GBE1: variants seen among roughly 807,000 people sequenced by gnomAD.
The protein encoded by GBE1 is 1,4-alpha-glucan-branching enzyme.
Under a neutral mutation model 88.8 loss-of-function variants are expected in GBE1, and 70 were observed. The ratio of observed to expected loss-of-function variants is 0.79; its 90% CI spans 0.65 to 0.96. The LOEUF is 0.96. GBE1 is among the 40% of genes least tolerant of loss of function. The pLI is 0.00. For missense variants in GBE1, 872 were observed against 871.0 expected (o/e 1.00, Z -0.01); for synonymous variants, 284 against 300.1 (o/e 0.95, Z 0.56).
At chr3:81,608,126 T>C (rs1427812790) in intron 7 of GBE1, among the ~76,000 whole-genome samples, 1 of 152,206 alleles carries the variant, frequency 6.6e-6, no homozygotes, top group Non-Finnish European at 1.5e-5. Context: ...TTTGTCAGCA[T>C]GTCACTATTC....
chr3:81,720,593 C>T (rs1706014166), intron 1 of GBE1, among the ~76,000 whole-genome samples: 1 of 152,004 alleles, frequency 6.6e-6, no homozygotes, highest in Non-Finnish European at 1.5e-5. Flanking sequence ...TGTTACTGAG[C>T]AACTCTACTC....
At chr3:81,577,085 C>T (rs369833815) in intron 12 of GBE1, among the ~76,000 whole-genome samples, 45 of 151,880 alleles carry the variant, frequency 3.0e-4, no homozygotes, top group African/African-American at 9.4e-4. Flanking sequence ...GGTACAGGCA[C>T]GCACCACCAC....
intron 7 of GBE1, among the ~76,000 whole-genome samples, chr3:81,602,388 T>A (rs1444244339): frequency 3.3e-5 from 5 of 152,176 alleles, no homozygotes; most frequent in African/African-American, 1.2e-4. Context: ...TAGTTTAAGC[T>A]CCTATATCAA....
chr3:81,630,122 G>T (rs1365572002), intron 7 of GBE1, among the ~76,000 whole-genome samples: 1 of 152,090 alleles, frequency 6.6e-6, no homozygotes, highest in African/African-American at 2.4e-5. Flanking sequence ...ATCATTGTTG[G>T]ACATCTGGGT....
intron 1 of GBE1, among the ~76,000 whole-genome samples, chr3:81,747,400 G>T (rs1706431693): frequency 6.6e-6 from 1 of 152,092 alleles, no homozygotes; most frequent in Non-Finnish European, 1.5e-5. Flanking sequence ...ACAAAAATAG[G>T]CCAAGCTCAG....
intron 8 of GBE1, 130 bp from the exon 9 acceptor site, chr3:81,591,294 G>C: frequency 1.7e-6 from 1 of 583,584 alleles, no homozygotes; most frequent in Admixed American, 3.7e-5. Flanking sequence ...ATAAGCATCA[G>C]CAAATATACT....
At chr3:81,688,521 A>G (rs1000357884) in intron 2 of GBE1, among the ~76,000 whole-genome samples, 1 of 152,214 alleles carries the variant, frequency 6.6e-6, no homozygotes, top group African/African-American at 2.4e-5. Context: ...AACCCAAAAA[A>G]ACATTTATTT....
chr3:81,577,306 C>G, intron 12 of GBE1, among the ~76,000 whole-genome samples: 1 of 152,100 alleles, frequency 6.6e-6, no homozygotes, highest in East Asian at 1.9e-4. Context: ...GTGTCTTTCT[C>G]TAGTCTAAAA....
At chr3:81,519,628 TG>T (rs904800047) in intron 14 of GBE1, among the ~76,000 whole-genome samples, 5 of 151,390 alleles carry the variant, frequency 3.3e-5, no homozygotes, top group African/African-American at 1.2e-4. Context: ...TAACTTAAAC[TG>T]ATGTAATACA....
intron 14 of GBE1, among the ~76,000 whole-genome samples, chr3:81,532,263 G>A (rs1703020222): frequency 1.3e-5 from 2 of 151,890 alleles, no homozygotes; most frequent in Non-Finnish European, 2.9e-5. Flanking sequence ...TGTTCCTGTA[G>A]GGAGGACAAT....
At position 81,603,094 on chromosome 3, in the gene GBE1, C is replaced by T. The variant is rs1477865198; in HGVS notation, c.993-9071G>A. Among the ~76,000 whole-genome samples, 3 of 152,004 alleles carry T rather than the reference C, an allele frequency of 2.0e-5. No individual in the cohort carries two copies. The East Asian group carries it at 5.8e-4, about 29-fold the overall frequency. On this transcript the variant is annotated intron_variant, in intron 7 of 15. Transcript: ENST00000429644. Reference sequence around the variant, plus strand: ...TCTTATTCTCTTTCCTTCCATTTTCCTCTTCTAACCTCTTCTCCTCTCTCC... The same window carrying T: ...TCTTATTCTCTTTCCTTCCATTTTCTTCTTCTAACCTCTTCTCCTCTCTCC...
At chr3:81,685,229 C>T (rs1705416060) in intron 2 of GBE1, among the ~76,000 whole-genome samples, 1 of 152,128 alleles carries the variant, frequency 6.6e-6, no homozygotes. Context: ...ACAAGAACTC[C>T]CTCAGCTTTC....
chr3:81,664,016 GA>G lies in GBE1; in HGVS notation c.429+6821del, dbSNP rs533110905. Reference sequence around the variant, plus strand: ...TAATCATAAAAAGGGGCTGTGCATAGAAAAAAAAATATTTTCTCCGTGCATT... The same window carrying G: ...TAATCATAAAAAGGGGCTGTGCATAGAAAAAAAATATTTTCTCCGTGCATT... On this transcript the variant is annotated intron_variant, in intron 3 of 15. Transcript: ENST00000429644. Among the ~76,000 whole-genome samples, 328 of 151,042 alleles carry G rather than the reference GA, an allele frequency of 2.2e-3. 1 individual carries two copies. The highest frequency in any genetic ancestry group is 6.9e-3 in the African/African-American group (285 of 41,198).
At chr3:81,596,071 T>C (rs1363624792) in intron 7 of GBE1, among the ~76,000 whole-genome samples, 4 of 151,950 alleles carry the variant, frequency 2.6e-5, no homozygotes. Context: ...TTAATTTCTT[T>C]TATATTTTAT....
chr3:81,707,154 A>C (rs1330400657), intron 1 of GBE1, among the ~76,000 whole-genome samples: 1 of 152,098 alleles, frequency 6.6e-6, no homozygotes, highest in Non-Finnish European at 1.5e-5. Flanking sequence ...TTGGGAAACA[A>C]ACACACACAA....
intron 2 of GBE1, among the ~76,000 whole-genome samples, chr3:81,695,942 G>A (rs545820152): frequency 1.2e-4 from 19 of 152,238 alleles, no homozygotes; most frequent in Non-Finnish European, 2.6e-4. Context: ...TGAGAGGGGG[G>A]TCTCTGGCAG....
At chr3:81,755,553 A>G (rs1405275555) in intron 1 of GBE1, among the ~76,000 whole-genome samples, 2 of 152,220 alleles carry the variant, frequency 1.3e-5, no homozygotes, top group Admixed American at 1.3e-4. Flanking sequence ...CACAATAGCT[A>G]AAATATGGAA....
chr3:81,547,915 C>T (rs964668994), intron 12 of GBE1, among the ~76,000 whole-genome samples: 23 of 151,236 alleles, frequency 1.5e-4, no homozygotes, highest in Admixed American at 1.1e-3. Flanking sequence ...TTACAAACTT[C>T]GCTGCAGGTC....
intron 12 of GBE1, among the ~76,000 whole-genome samples, chr3:81,574,679 G>A (rs1161162297): frequency 6.6e-6 from 1 of 152,268 alleles, no homozygotes; most frequent in East Asian, 1.9e-4. Flanking sequence ...TTTTCTGGTT[G>A]TGCAAACTGA....
Sources: allele counts gnomAD v4.1 joint callset (sites outside exome capture counted in the v4.1 genomes callset), GRCh38; gene constraint gnomAD v4.1.1; transcripts MANE v1.5; gene names NCBI Gene and HGNC (gene_info 2026-07-23, HGNC 2026-07-21).